The following OR2C1 variants were observed in gnomAD, a reference collection of about 807,000 sequenced individuals.
OR2C1 encodes the protein olfactory receptor family 2 subfamily C member 1.
For missense variants in OR2C1, 468 were observed against 388.3 expected, an observed-to-expected ratio of 1.21 and a Z score of -1.73; for synonymous variants, 209 against 167.3, an observed-to-expected ratio of 1.25 and a Z score of -1.92.
the OR2C1 span, among the ~76,000 whole-genome samples, chr16:3,326,158 A>T: frequency 6.6e-6 from 1 of 151,856 alleles, no homozygotes; most frequent in Admixed American, 6.6e-5. Flanking sequence ...CTTAAACTCC[A>T]GACCTCGTGA....
chr16:3,336,836 G>A, the OR2C1 span, among the ~76,000 whole-genome samples: 2 of 150,902 alleles, frequency 1.3e-5, no homozygotes, highest in African/African-American at 2.4e-5. Context: ...AGCCTCCCGC[G>A]TAGCTGGGAT....
the OR2C1 span, among the ~76,000 whole-genome samples, chr16:3,328,115 CTCTG>C: frequency 6.6e-6 from 1 of 152,124 alleles, no homozygotes. Context: ...TACCTTGATC[CTCTG>C]TCTGGAGTTT....
the OR2C1 span, among the ~76,000 whole-genome samples, chr16:3,327,613 G>A: frequency 7.9e-5 from 12 of 151,178 alleles, no homozygotes; most frequent in Middle Eastern, 3.4e-3. Context: ...GATACTAGAT[G>A]CCCGTGATGA....
the OR2C1 span, among the ~76,000 whole-genome samples, chr16:3,348,288 C>T: frequency 5.6e-4 from 85 of 152,128 alleles, no homozygotes; most frequent in African/African-American, 2.0e-3. Context: ...CCAATGATGA[C>T]AGTGAGCACA....
the OR2C1 span, among the ~76,000 whole-genome samples, chr16:3,327,918 C>A: frequency 6.6e-6 from 1 of 152,194 alleles, no homozygotes; most frequent in South Asian, 2.1e-4. Flanking sequence ...GTTCACCTCC[C>A]TCTTAGTAAA....
At chr16:3,347,838 A>G in the OR2C1 span, among the ~76,000 whole-genome samples, 3 of 52,150 alleles carry the variant, frequency 5.8e-5, no homozygotes, top group African/African-American at 1.2e-4. Context: ...GCACACACAT[A>G]CACACATGCA....
the OR2C1 span, chr16:3,323,666 A>G: frequency 1.4e-6 from 1 of 694,128 alleles, no homozygotes. Context: ...AACAAAGGCC[A>G]AGGAATGTTT....
At chr16:3,334,885 C>T in the OR2C1 span, among the ~76,000 whole-genome samples, 1 of 151,290 alleles carries the variant, frequency 6.6e-6, no homozygotes, top group Non-Finnish European at 1.5e-5. Flanking sequence ...ATGGCTTGAT[C>T]TCGGCTCACT....
At chr16:3,338,194 C>T in the OR2C1 span, among the ~76,000 whole-genome samples, 2 of 152,166 alleles carry the variant, frequency 1.3e-5, no homozygotes, top group African/African-American at 4.8e-5. Context: ...TTGGTGTCTC[C>T]TTTGACTGAG....
the OR2C1 span, among the ~76,000 whole-genome samples, chr16:3,350,805 C>T: frequency 1.3e-5 from 2 of 151,626 alleles, no homozygotes; most frequent in Admixed American, 1.3e-4. Context: ...TCTTAACATA[C>T]AAACAAACAA....
chr16:3,322,970 A>G, the OR2C1 span: 1 of 982,738 alleles, frequency 1.0e-6, no homozygotes, highest in Non-Finnish European at 1.2e-6. Flanking sequence ...CAGCCAATGT[A>G]GAAAATGCTG....
chr16:3,330,094 G>T, the OR2C1 span, among the ~76,000 whole-genome samples: 1 of 148,334 alleles, frequency 6.7e-6, no homozygotes, highest in Admixed American at 6.9e-5. Context: ...GTTTGTTTTT[G>T]TTTTTTTGTT....
the OR2C1 span, among the ~76,000 whole-genome samples, chr16:3,333,211 A>ATTTTTTTTTTTTTT: frequency 7.6e-5 from 5 of 65,798 alleles, no homozygotes; most frequent in African/African-American, 2.5e-4. Flanking sequence ...TCTTTTGCCC[A>ATTTTTTTTTTTTTT]TTTTTTTTTT....
the OR2C1 span, among the ~76,000 whole-genome samples, chr16:3,324,168 C>T: frequency 6.6e-6 from 1 of 152,092 alleles, no homozygotes; most frequent in Non-Finnish European, 1.5e-5. Context: ...CAGCTTGTTA[C>T]ACAGAAGAGT....
chr16:3,329,599 G>A, the OR2C1 span, among the ~76,000 whole-genome samples: 2,746 of 151,420 alleles, frequency 0.018, 75 homozygotes, highest in African/African-American at 0.063. Context: ...ACAGATGCCC[G>A]CCACCACACC....
the OR2C1 span, among the ~76,000 whole-genome samples, chr16:3,348,597 C>T: frequency 2.6e-5 from 4 of 152,192 alleles, no homozygotes; most frequent in African/African-American, 9.7e-5. Context: ...GAGAGACTTG[C>T]TGGGGCCAGG....
the OR2C1 span, among the ~76,000 whole-genome samples, chr16:3,347,967 AAATAGATTAT>A: frequency 6.6e-6 from 1 of 152,286 alleles, no homozygotes; most frequent in Non-Finnish European, 1.5e-5. Flanking sequence ...TTAAATGGAT[AAATAGATTAT>A]GATAGATGCA....
At chr16:3,345,755 C>T in the OR2C1 span, among the ~76,000 whole-genome samples, 1 of 150,318 alleles carries the variant, frequency 6.7e-6, no homozygotes, top group South Asian at 2.1e-4. Flanking sequence ...CTTCCTCTCT[C>T]TCGTTCTCTC....
At chr16:3,339,481 G>C in the OR2C1 span, among the ~76,000 whole-genome samples, 1 of 152,022 alleles carries the variant, frequency 6.6e-6, no homozygotes, top group Non-Finnish European at 1.5e-5. Context: ...TTTTGAGATG[G>C]AGTCTTGCTC....
Sources: allele counts gnomAD v4.1 joint callset (sites outside exome capture counted in the v4.1 genomes callset), GRCh38; gene constraint gnomAD v4.1.1; transcripts MANE v1.5; gene names NCBI Gene and HGNC (gene_info 2026-07-23, HGNC 2026-07-21).